The following PTGIS variants were observed in gnomAD, a reference collection of about 807,000 sequenced individuals.
PTGIS encodes the protein prostacyclin synthase.
PTGIS carries 45 observed loss-of-function variants against 50.3 expected under a neutral mutation model. That is an observed-to-expected ratio of 0.90 (90% CI 0.70 to 1.15). The LOEUF is 1.15. PTGIS is among the 50% of genes most tolerant of loss of function. PTGIS has a pLI of 0.00. For synonymous variants in PTGIS, 260 were observed against 267.7 expected, an observed-to-expected ratio of 0.97 and a Z score of 0.28; for missense variants, 668 against 661.3, an observed-to-expected ratio of 1.01 and a Z score of -0.11.
At chr20:49,524,512 T>A (rs1975919944) in intron 5 of PTGIS, among the ~76,000 whole-genome samples, 1 of 152,198 alleles carries the variant, frequency 6.6e-6, no homozygotes, top group African/African-American at 2.4e-5. Flanking sequence ...CACCTCTATG[T>A]CCCCATCACC....
chr20:49,519,551 C>T (rs1981590438), intron 6 of PTGIS, among the ~76,000 whole-genome samples: 1 of 151,952 alleles, frequency 6.6e-6, no homozygotes, highest in African/African-American at 2.4e-5. Context: ...CCCTTCTTCA[C>T]CCACCCTCGC....
chr20:49,548,069 G>A (rs376215547), intron 2 of PTGIS, 50 bp from the exon 3 acceptor site: 7 of 1,561,048 alleles, frequency 4.5e-6, no homozygotes, highest in Non-Finnish European at 6.2e-6. Flanking sequence ...GTGAACAGCA[G>A]CCGCTCTCAG....
intron 9 of PTGIS, among the ~76,000 whole-genome samples, chr20:49,510,029 C>T (rs1233529624): frequency 2.0e-5 from 3 of 151,744 alleles, no homozygotes; most frequent in Admixed American, 6.6e-5. Flanking sequence ...GTTGGGATTA[C>T]AGGCACGCTC....
chr20:49,562,515 C>A (rs148094838), intron 1 of PTGIS, among the ~76,000 whole-genome samples: 14 of 152,212 alleles, frequency 9.2e-5, no homozygotes, highest in Admixed American at 9.2e-4. Flanking sequence ...CTGCAGCCAG[C>A]GGGGGCGAAG....
intron 5 of PTGIS, among the ~76,000 whole-genome samples, chr20:49,528,785 C>A (rs1051619727): frequency 3.3e-5 from 5 of 152,120 alleles, no homozygotes; most frequent in Non-Finnish European, 7.3e-5. Context: ...CCAGCAACCA[C>A]GTGTTTAGTA....
intron 5 of PTGIS, among the ~76,000 whole-genome samples, chr20:49,528,347 C>G (rs756210250): frequency 6.6e-6 from 1 of 152,102 alleles, no homozygotes; most frequent in Non-Finnish European, 1.5e-5. Context: ...TGCAGTGGCT[C>G]ACTCCTGTAA....
At chr20:49,561,676 G>A (rs6019902) in intron 1 of PTGIS, among the ~76,000 whole-genome samples, 30,961 of 152,084 alleles carry the variant, frequency 0.2, 3,288 homozygotes, top group African/African-American at 0.25. Context: ...TCCCAGCCAC[G>A]CTTCTTGCTG....
At chr20:49,556,675 G>A (rs959010330) in intron 1 of PTGIS, among the ~76,000 whole-genome samples, 2 of 152,268 alleles carry the variant, frequency 1.3e-5, no homozygotes, top group Admixed American at 6.5e-5. Flanking sequence ...GTCCTACTAT[G>A]ATTTTGTCTT....
chr20:49,542,104 G>A lies in PTGIS; in HGVS notation c.521+2201C>T, dbSNP rs536407507. On this transcript the variant is annotated intron_variant, in intron 4 of 9. Transcript: ENST00000244043. ...AGAAATAGCAAAGGCCACAAAGAGA[G>A]AGCGTGCCTGACCTGCTCAAGGGGC... Among the ~76,000 whole-genome samples, 9 of 152,364 alleles carry A rather than the reference G, an allele frequency of 5.9e-5. No homozygotes were observed. The East Asian group carries it at 1.5e-3, about 26-fold the overall frequency.
intron 6 of PTGIS, among the ~76,000 whole-genome samples, chr20:49,518,140 T>A (rs1981541962): frequency 6.6e-6 from 1 of 152,216 alleles, no homozygotes; most frequent in South Asian, 2.1e-4. Context: ...ACCTGAGGGA[T>A]GGGGGTCACA....
rs778064535 is a variant in PTGIS at position 49,539,705 on chromosome 20, GAGTC to G, written c.534_537del (p.Thr179PhefsTer156). 4 of 1,612,826 alleles carry G rather than the reference GAGTC, an allele frequency of 2.5e-6. No homozygotes were observed. The highest frequency in any genetic ancestry group is 3.4e-6 in the Non-Finnish European group (4 of 1,179,880). ...CGTGGCAGCGCCTCAATTCCGTAAA[GAGTC>G]AGGTAGCCGGCTCTGGGGGCGGCAG... On this transcript the variant is annotated frameshift_variant, in exon 5 of 10. Transcript: ENST00000244043. LOFTEE classifies it high-confidence loss of function.
At position 49,568,136 on chromosome 20, in the gene PTGIS, G is replaced by GCGGGGCTGGCGGGGCTGGCGGGGCTGA. The variant is rs1254839036; in HGVS notation, c.-21_-20insTCAGCCCCGCCAGCCCCGCCAGCCCCG. The GCGGGGCTGGCGGGGCTGGCGGGGCTGA allele has an allele frequency of 2.4e-5, 29 of 1,219,278 alleles. No individual in the cohort carries two copies. In the African/African-American group the frequency reaches 2.6e-4, roughly 11 times the overall value. 75.5% of individuals were successfully genotyped at this position (1,219,278 alleles called of 1,614,324 possible). A position where few individuals can be genotyped will look rare whatever the true frequency, so the allele number is the denominator to read the frequency against. On this transcript the variant is annotated 5_prime_UTR_variant, in exon 1 of 10. Coordinates refer to ENST00000244043, the MANE Select transcript of PTGIS (RefSeq NM_000961.4). The stretch of plus-strand genomic sequence containing the variant: ...AGCCATCGCGGGGCTGGCGGGGCTG[G>GCGGGGCTGGCGGGGCTGGCGGGGCTGA]CGGGGCTGGCGGGGCTGGCGGCCTG...
At chr20:49,538,056 C>A (rs1982125219) in intron 5 of PTGIS, among the ~76,000 whole-genome samples, 1 of 151,834 alleles carries the variant, frequency 6.6e-6, no homozygotes, top group Non-Finnish European at 1.5e-5. Context: ...GAGTTGGAGA[C>A]CAGTCTGGGA....
At position 49,507,895 on chromosome 20, in the gene PTGIS, C is replaced by A. The variant is rs1271706165; in HGVS notation, c.*25G>T. On this transcript the variant is annotated 3_prime_UTR_variant, in exon 10 of 10. Transcript: ENST00000244043. ...CTGGGGCAGGCTGGGCAGAGGCGAG[C>A]ACGTGGATCCATCTGCTCCCTGTGT... 8.1e-6 allele frequency: 13 copies of A among 1,608,116 alleles called. No individual in the cohort carries two copies. The highest frequency in any genetic ancestry group is 1.1e-5 in the Non-Finnish European group (13 of 1,179,978).
chr20:49,548,515 G>A (rs945080572), intron 2 of PTGIS, among the ~76,000 whole-genome samples: 1 of 151,906 alleles, frequency 6.6e-6, no homozygotes. Context: ...AGGAAGGATG[G>A]ATGGATAAGT....
chr20:49,514,382 G>A lies in PTGIS; in HGVS notation c.869C>T (p.Pro290Leu), dbSNP rs773626394. Residue 290 changes from proline (P) to leucine (L), a missense_variant, in exon 7 of 10, where the codon CCC becomes CTC. Coordinates refer to ENST00000244043, the MANE Select transcript of PTGIS (RefSeq NM_000961.4). The part of the protein sequence containing the change: ...QLWATQGNMG[P>L]AAFWLLLFLL... ...GAAGAGCAGGAGCCAGAAGGCAGCG[G>A]GACCCATATTCCCCTGCAAGGAGAA... 2 of 1,613,780 alleles carry A rather than the reference G, an allele frequency of 1.2e-6. No individual in the cohort carries two copies. Among genetic ancestry groups the A allele is most frequent in the East Asian group, 2.2e-5 (1 of 44,878 alleles).
intron 9 of PTGIS, among the ~76,000 whole-genome samples, chr20:49,509,503 A>G (rs1032114547): frequency 6.6e-5 from 10 of 152,214 alleles, no homozygotes; most frequent in Admixed American, 5.9e-4. Flanking sequence ...CTTGTTTTGA[A>G]CAGGTGAATT....
rs958269238 is a variant in PTGIS, at chr20:49,506,581, T to C, written c.*1339A>G. ...TTAGTAGAGACGGGGTTTCGCCATGTTGGCCAGGCTGGTCTTGAACTCCCG... is the reference window on the plus strand; with the variant it reads ...TTAGTAGAGACGGGGTTTCGCCATGCTGGCCAGGCTGGTCTTGAACTCCCG... On this transcript the variant is annotated 3_prime_UTR_variant, in exon 10 of 10. Coordinates refer to ENST00000244043, the MANE Select transcript of PTGIS (RefSeq NM_000961.4). 7.9e-5 allele frequency: 12 copies of C among 152,218 alleles called. 1 individual carries two copies. The highest frequency in any genetic ancestry group is 2.9e-4 in the African/African-American group (12 of 41,440). The allele number at this position is 152,218 out of a possible 1,614,324, so 9.4% of individuals were successfully genotyped here.
intron 5 of PTGIS, among the ~76,000 whole-genome samples, chr20:49,531,542 C>A (rs1981936351): frequency 6.6e-6 from 1 of 152,126 alleles, no homozygotes; most frequent in African/African-American, 2.4e-5. Context: ...CCCCAAAAAT[C>A]AAAAAAAGAC....
Sources: allele counts gnomAD v4.1 joint callset (sites outside exome capture counted in the v4.1 genomes callset), GRCh38; gene constraint gnomAD v4.1.1; transcripts MANE v1.5; gene names NCBI Gene and HGNC (gene_info 2026-07-23, HGNC 2026-07-21).